Variants in TBCK observed in about 807,000 individuals in gnomAD.
The protein encoded by TBCK is TBC1 domain containing kinase, also known as TBC domain-containing protein kinase-like protein.
In TBCK, 99 loss-of-function variants were observed where a neutral mutation model predicts 113.4. The ratio of observed to expected loss-of-function variants is 0.87; its 90% CI spans 0.74 to 1.03. TBCK has a LOEUF of 1.03. Among genes scored for constraint, TBCK ranks in the 50% least tolerant of loss-of-function variants. TBCK has a pLI of 0.00. For synonymous variants in TBCK, 369 were observed against 370.8 expected (o/e 1.00, Z 0.05); for missense variants, 1,045 against 1,061.3 (o/e 0.98, Z 0.21).
chr4:106,119,587 C>T (rs1164836875), intron 23 of TBCK, among the ~76,000 whole-genome samples: 1 of 152,140 alleles, frequency 6.6e-6, no homozygotes, highest in African/African-American at 2.4e-5. Context: ...GGAAATGCTT[C>T]AGGACACTGG....
intron 14 of TBCK, 122 bp from the exon 15 acceptor site, chr4:106,235,489 G>C: frequency 1.9e-6 from 1 of 524,448 alleles, no homozygotes; most frequent in South Asian, 3.5e-5. Flanking sequence ...CAAAGTATGT[G>C]CAATTATTGT....
Position 106,230,357 on chromosome 4 carries a change from G to A in TBCK, c.1774+6C>T, listed in dbSNP as rs371920437. 39 of 1,549,356 alleles carry A rather than the reference G, an allele frequency of 2.5e-5. No homozygotes were observed. Among genetic ancestry groups the A allele is most frequent in the Non-Finnish European group, 3.3e-5 (37 of 1,130,840 alleles). On this transcript the variant is annotated splice_donor_region_variant and intron_variant, in intron 19 of 25. Transcript: ENST00000394708. Reference sequence around the variant, plus strand: ...CTGTAGAAAGACATGGAAGACATTTGCTTACCTTGTATTACATGTGAGTTG... The same window carrying A: ...CTGTAGAAAGACATGGAAGACATTTACTTACCTTGTATTACATGTGAGTTG...
intron 23 of TBCK, among the ~76,000 whole-genome samples, chr4:106,145,241 C>T (rs1579040041): frequency 6.6e-6 from 1 of 151,530 alleles, no homozygotes; most frequent in African/African-American, 2.4e-5. Flanking sequence ...TTGCTTGAAC[C>T]CAGGAGGTGG....
rs1453900766 is a variant in TBCK at position 106,044,739 on chromosome 4, C to G, written c.*1831G>C. ...CTGATTGCACAACTTTGTGAATACA[C>G]TAAAAACTACTGAACTGTACATGTT... is the stretch of plus-strand genomic sequence containing the variant. On this transcript the variant is annotated 3_prime_UTR_variant, in exon 26 of 26. Coordinates refer to ENST00000394708, the MANE Select transcript of TBCK (RefSeq NM_001163435.3). 1.3e-5 allele frequency: 2 copies of G among 152,150 alleles called. No individual in the cohort carries two copies. Among genetic ancestry groups the G allele is most frequent in the African/African-American group, 4.8e-5 (2 of 41,428 alleles). The allele number at this position is 152,150 out of a possible 1,614,324, so 9.4% of individuals were successfully genotyped here.
At chr4:106,135,568 A>C (rs1746460452) in intron 23 of TBCK, among the ~76,000 whole-genome samples, 2 of 141,308 alleles carry the variant, frequency 1.4e-5, no homozygotes, top group African/African-American at 5.0e-5. Context: ...TGGTGGAGTA[A>C]GTGGCACTTG....
chr4:106,252,021 T>A lies in TBCK; in HGVS notation c.456-14A>T. 6.4e-7 allele frequency: 1 copy of A among 1,573,574 alleles called. No homozygotes were observed. The highest frequency in any genetic ancestry group is 8.6e-7 in the Non-Finnish European group (1 of 1,159,414). ...TACGAGGGATACCTGTAATGATACA[T>A]TAAAATAATGAAAAATTACAACAGG... On this transcript the variant is annotated splice_polypyrimidine_tract_variant and intron_variant, in intron 5 of 25. Coordinates refer to ENST00000394708, the MANE Select transcript of TBCK (RefSeq NM_001163435.3).
At chr4:106,153,678 GT>G (rs901167717) in intron 23 of TBCK, among the ~76,000 whole-genome samples, 1 of 152,074 alleles carries the variant, frequency 6.6e-6, no homozygotes, top group Non-Finnish European at 1.5e-5. Context: ...AAGTCTCCAG[GT>G]TTTATTGTAT....
chr4:106,047,047 T>C (rs551283875), intron 25 of TBCK, among the ~76,000 whole-genome samples: 74 of 152,296 alleles, frequency 4.9e-4, no homozygotes, highest in African/African-American at 1.7e-3. Flanking sequence ...TTACTATTTT[T>C]AGGTATTCTT....
Position 106,133,931 on chromosome 4 carries a change from A to G in TBCK, c.2236-17553T>C, listed in dbSNP as rs371136742. Among the ~76,000 whole-genome samples the G allele has an allele frequency of 2.2e-4, 33 of 152,128 alleles. 2 individuals are homozygous for G. In the South Asian group the frequency reaches 6.4e-3, roughly 30 times the overall value. On this transcript the variant is annotated intron_variant, in intron 23 of 25. Transcript: ENST00000394708. ...AGGCTGAGGCAGGAGAATTGCTTGA[A>G]CCTGGGAGGTGGAGGCTGCAGTGAA...
intron 22 of TBCK, among the ~76,000 whole-genome samples, chr4:106,191,668 G>A (rs1753681787): frequency 1.3e-5 from 2 of 152,128 alleles, no homozygotes; most frequent in African/African-American, 4.8e-5. Flanking sequence ...ATTAATATAA[G>A]ATGAAATATC....
At chr4:106,120,947 C>T (rs1308971136) in intron 23 of TBCK, among the ~76,000 whole-genome samples, 6 of 152,116 alleles carry the variant, frequency 3.9e-5, no homozygotes, top group East Asian at 3.9e-4. Context: ...TCACCAGCAA[C>T]GGAACAAAGC....
At chr4:106,116,973 TC>T (rs140517213) in intron 23 of TBCK, among the ~76,000 whole-genome samples, 13,700 of 150,406 alleles carry the variant, frequency 0.091, 732 homozygotes, top group African/African-American at 0.15. Flanking sequence ...CCTGAAATCA[TC>T]CCCCCCCCAT....
At chr4:106,109,973 C>T (rs770948083) in intron 24 of TBCK, among the ~76,000 whole-genome samples, 14 of 151,854 alleles carry the variant, frequency 9.2e-5, no homozygotes, top group East Asian at 5.8e-4. Context: ...AGCCCGAGAG[C>T]GAAGGTTACA....
chr4:106,131,606 T>C (rs1745939888), intron 23 of TBCK, among the ~76,000 whole-genome samples: 1 of 151,970 alleles, frequency 6.6e-6, no homozygotes, highest in Non-Finnish European at 1.5e-5. Context: ...AAAGCAAAAC[T>C]CCATCTCAAA....
At chr4:106,127,950 T>TAC (rs141821940) in intron 23 of TBCK, among the ~76,000 whole-genome samples, 10 of 151,064 alleles carry the variant, frequency 6.6e-5, no homozygotes, top group South Asian at 4.2e-4. Context: ...AGGATAGCAC[T>TAC]ACACACACAC....
rs577717931 is a variant in TBCK, at chr4:106,122,951, T to A, written c.2236-6573A>T. Among the ~76,000 whole-genome samples, 16 of 152,340 alleles carry A rather than the reference T, an allele frequency of 1.1e-4. 1 individual carries two copies. Among genetic ancestry groups the A allele is most frequent in the South Asian group, 1.0e-3 (5 of 4,822 alleles). ...ATGGGCAAAAACTGGAAGCATTTCC[T>A]TTGAAAACTGGCACAAGACAGGGAT... is the stretch of plus-strand genomic sequence containing the variant. On this transcript the variant is annotated intron_variant, in intron 23 of 25. Coordinates refer to ENST00000394708, the MANE Select transcript of TBCK (RefSeq NM_001163435.3).
At chr4:106,125,048 T>C (rs959594895) in intron 23 of TBCK, among the ~76,000 whole-genome samples, 7 of 150,482 alleles carry the variant, frequency 4.7e-5, no homozygotes, top group South Asian at 2.1e-4. Flanking sequence ...TGGGTTAAAA[T>C]TGCCGTTATC....
intron 25 of TBCK, among the ~76,000 whole-genome samples, chr4:106,074,481 T>G (rs1193010367): frequency 6.6e-6 from 1 of 152,198 alleles, no homozygotes; most frequent in Non-Finnish European, 1.5e-5. Context: ...TCTAAAATCT[T>G]CACAAGAATT....
intron 19 of TBCK, among the ~76,000 whole-genome samples, chr4:106,222,599 C>T (rs1223930878): frequency 6.6e-6 from 1 of 152,060 alleles, no homozygotes; most frequent in Non-Finnish European, 1.5e-5. Flanking sequence ...ATTCTCAATT[C>T]CATAACTATT....
Sources: gnomAD v4.1 joint callset for allele counts (sites outside exome capture counted in the v4.1 genomes callset) on GRCh38, gnomAD v4.1.1 for gene constraint, MANE v1.5 for transcripts, NCBI Gene and HGNC (gene_info 2026-07-23, HGNC 2026-07-21) for gene names.